CADM2: variants seen among roughly 807,000 people sequenced by gnomAD.
CADM2 encodes the protein cell adhesion molecule 2, also known as immunoglobulin superfamily member 4D.
In CADM2, 12 loss-of-function variants were observed where a neutral mutation model predicts 49.8. That is an observed-to-expected ratio of 0.24 (90% CI 0.15 to 0.39). The LOEUF (loss-of-function observed/expected upper bound fraction) is 0.39, where lower values mean the gene tolerates loss of function less well. Among genes scored for constraint, CADM2 ranks in the 10% least tolerant of loss-of-function variants. The probability of loss-of-function intolerance (pLI) is 1.00; values close to 1 mark genes in which losing one functional copy is unlikely to be tolerated. For synonymous variants in CADM2, 214 were observed against 175.4 expected (o/e 1.22, Z -1.74); for missense variants, 378 against 492.3 (o/e 0.77, Z 2.20).
At chr3:85,556,421 A>G (rs2061960504) in intron 1 of CADM2, among the ~76,000 whole-genome samples, 1 of 152,096 alleles carries the variant, frequency 6.6e-6, no homozygotes, top group Non-Finnish European at 1.5e-5. Flanking sequence ...TGTTTTGCTC[A>G]ATAGTCAACT....
chr3:85,739,964 TTA>T (rs1251439506), intron 2 of CADM2, among the ~76,000 whole-genome samples: 1 of 152,156 alleles, frequency 6.6e-6, no homozygotes, highest in Non-Finnish European at 1.5e-5. Flanking sequence ...GATGAAATAT[TTA>T]ATTCTTATTC....
chr3:86,013,803 A>G (rs1731849187), intron 8 of CADM2: 2 of 1,589,724 alleles, frequency 1.3e-6, no homozygotes, highest in Non-Finnish European at 8.6e-7. Context: ...GGGATTAAAT[A>G]TGAAGCATTG....
chr3:85,868,166 G>C (rs74945295), intron 3 of CADM2, among the ~76,000 whole-genome samples: 1 of 151,746 alleles, frequency 6.6e-6, no homozygotes, highest in Non-Finnish European at 1.5e-5. Flanking sequence ...TCATCAATCC[G>C]TTAGATACAT....
intron 6 of CADM2, among the ~76,000 whole-genome samples, chr3:85,922,342 C>T (rs933234014): frequency 2.0e-5 from 3 of 151,372 alleles, no homozygotes; most frequent in Non-Finnish European, 2.9e-5. Context: ...TATTAATCCT[C>T]AATGTATCAG....
intron 1 of CADM2, among the ~76,000 whole-genome samples, chr3:85,348,384 A>T (rs1326033432): frequency 6.6e-6 from 1 of 152,220 alleles, no homozygotes; most frequent in African/African-American, 2.4e-5. Context: ...TTACAGAAAC[A>T]CTAAGAATAA....
At chr3:85,175,621 G>A (rs2040761775) in intron 1 of CADM2, among the ~76,000 whole-genome samples, 1 of 152,110 alleles carries the variant, frequency 6.6e-6, no homozygotes, top group African/African-American at 2.4e-5. Flanking sequence ...TGTTTAGTGA[G>A]TTAAGAGTTT....
chr3:85,684,740 C>T (rs999923371), intron 1 of CADM2, among the ~76,000 whole-genome samples: 1 of 152,130 alleles, frequency 6.6e-6, no homozygotes, highest in Non-Finnish European at 1.5e-5. Context: ...CTTATAAAAT[C>T]ATCAGCTCTC....
intron 3 of CADM2, among the ~76,000 whole-genome samples, chr3:85,829,500 G>T (rs968647322): frequency 2.0e-5 from 3 of 151,882 alleles, no homozygotes; most frequent in African/African-American, 7.2e-5. Flanking sequence ...TTAAAATAAA[G>T]ATTGTATATA....
intron 1 of CADM2, among the ~76,000 whole-genome samples, chr3:85,178,728 C>T (rs999192104): frequency 5.3e-5 from 8 of 151,538 alleles, no homozygotes; most frequent in East Asian, 1.9e-4. Context: ...ATATTTACGT[C>T]GATCCTATTT....
intron 2 of CADM2, among the ~76,000 whole-genome samples, chr3:85,771,352 T>G (rs1446188783): frequency 1.3e-5 from 2 of 152,146 alleles, no homozygotes; most frequent in Non-Finnish European, 2.9e-5. Flanking sequence ...AATGTAATGC[T>G]TATTTACTAT....
intron 1 of CADM2, among the ~76,000 whole-genome samples, chr3:85,415,608 T>G (rs1022928921): frequency 1.3e-5 from 2 of 152,162 alleles, no homozygotes; most frequent in African/African-American, 4.8e-5. Flanking sequence ...AGTAGTATAC[T>G]TGAAAAGAAA....
At chr3:86,031,754 T>A (rs531628540) in intron 8 of CADM2, among the ~76,000 whole-genome samples, 18 of 151,880 alleles carry the variant, frequency 1.2e-4, no homozygotes, top group African/African-American at 2.6e-4. Flanking sequence ...TCAAATTTTT[T>A]AAAAAATATA....
chr3:85,941,349 C>A (rs1721875943), intron 7 of CADM2, among the ~76,000 whole-genome samples: 1 of 152,028 alleles, frequency 6.6e-6, no homozygotes, highest in Non-Finnish European at 1.5e-5. Flanking sequence ...GCAATGGAAT[C>A]CAAGATTTCA....
intron 6 of CADM2, among the ~76,000 whole-genome samples, chr3:85,918,201 G>T (rs1577660628): frequency 6.6e-6 from 1 of 152,210 alleles, no homozygotes; most frequent in South Asian, 2.1e-4. Context: ...TTGAATAGGG[G>T]TGGTGAGAGA....
intron 1 of CADM2, among the ~76,000 whole-genome samples, chr3:85,647,400 G>A (rs1368204013): frequency 6.6e-6 from 1 of 151,320 alleles, no homozygotes; most frequent in Admixed American, 6.6e-5. Flanking sequence ...GATGCCAGGA[G>A]TTTTGTGGAA....
At chr3:85,126,031 G>T (rs2107600690) in intron 1 of CADM2, among the ~76,000 whole-genome samples, 1 of 152,086 alleles carries the variant, frequency 6.6e-6, no homozygotes, top group African/African-American at 2.4e-5. Context: ...ACCAGACTAT[G>T]ATATCATATA....
At chr3:86,009,797 A>T (rs1028720984) in intron 8 of CADM2, among the ~76,000 whole-genome samples, 3 of 151,750 alleles carry the variant, frequency 2.0e-5, no homozygotes, top group African/African-American at 7.2e-5. Context: ...AATAATATAT[A>T]TTTTAATTTA....
intron 1 of CADM2, among the ~76,000 whole-genome samples, chr3:85,707,240 G>T (rs1234805769): frequency 6.6e-6 from 1 of 151,822 alleles, no homozygotes; most frequent in East Asian, 1.9e-4. Flanking sequence ...AATTTTTTAT[G>T]AATTTGTGGA....
At chr3:85,499,723 A>C (rs2040040156) in intron 1 of CADM2, among the ~76,000 whole-genome samples, 1 of 152,040 alleles carries the variant, frequency 6.6e-6, no homozygotes, top group Non-Finnish European at 1.5e-5. Context: ...TTTCTTTCCT[A>C]ATGTTATGGT....
Sources: allele counts gnomAD v4.1 joint callset (sites outside exome capture counted in the v4.1 genomes callset), GRCh38; gene constraint gnomAD v4.1.1; transcripts MANE v1.5; gene names NCBI Gene and HGNC (gene_info 2026-07-23, HGNC 2026-07-21).